The following ALG13 variants were observed in gnomAD, a reference collection of about 807,000 sequenced individuals.
ALG13 encodes ALG13 UDP-N-acetylglucosaminyltransferase subunit, also known as UDP-N-acetylglucosamine transferase subunit ALG13.
Under a neutral mutation model 87.8 loss-of-function variants are expected in ALG13, and 11 were observed. That is an observed-to-expected ratio of 0.13 (90% CI 0.08 to 0.21). The LOEUF is 0.21. ALG13 is among the 10% of genes least tolerant of loss of function. The probability of loss-of-function intolerance (pLI) is 1.00; values close to 1 mark genes in which losing one functional copy is unlikely to be tolerated. For synonymous variants in ALG13, 320 were observed against 306.3 expected, an observed-to-expected ratio of 1.04 and a Z score of -0.47; for missense variants, 756 against 866.1, an observed-to-expected ratio of 0.87 and a Z score of 1.60.
At chrX:111,699,459 T>C (rs1249311011) in intron 3 of ALG13, among the ~76,000 whole-genome samples, 2 of 111,891 alleles carry the variant, frequency 1.8e-5, no homozygotes, top group Non-Finnish European at 3.8e-5. Flanking sequence ...AAAGAATCAT[T>C]GCCCAAAGAA....
At chrX:111,717,981 T>A in intron 9 of ALG13, 54 bp downstream of exon 9, 1 of 1,113,518 alleles carries the variant, frequency 9.0e-7, no homozygotes, top group Non-Finnish European at 1.2e-6. Context: ...TTGTTTTCAC[T>A]CAGGGACCCA....
intron 23 of ALG13, among the ~76,000 whole-genome samples, chrX:111,740,640 A>G (rs1943659846): frequency 9.0e-6 from 1 of 111,151 alleles, no homozygotes; most frequent in South Asian, 3.8e-4. Flanking sequence ...AGCAAGGAAC[A>G]TATCAAAGAG....
At chrX:111,686,187 C>T (rs984265212) in intron 3 of ALG13, 1 of 1,091,146 alleles carries the variant, frequency 9.2e-7, no homozygotes, top group African/African-American at 1.9e-5. Context: ...CAGTAATTCC[C>T]ACTTGTTTGA....
At chrX:111,733,128 CTT>C (rs759345909) in intron 21 of ALG13, among the ~76,000 whole-genome samples, 10 of 111,246 alleles carry the variant, frequency 9.0e-5, no homozygotes, top group East Asian at 2.8e-4. Flanking sequence ...AAAAAAAACT[CTT>C]TGTCTTTAAT....
chrX:111,750,871 G>A (rs771875695), intron 24 of ALG13, among the ~76,000 whole-genome samples: 1 of 108,865 alleles, frequency 9.2e-6, no homozygotes, highest in Non-Finnish European at 1.9e-5. Context: ...GTTTCTCCAT[G>A]TTGGCCAGGC....
At chrX:111,713,658 TC>T (rs1240724666) in intron 8 of ALG13, among the ~76,000 whole-genome samples, 1 of 112,464 alleles carries the variant, frequency 8.9e-6, no homozygotes, top group East Asian at 2.8e-4. Flanking sequence ...ATTCTGCTTT[TC>T]ATACTTTGTG....
chrX:111,715,143 C>T (rs914027195), intron 8 of ALG13, among the ~76,000 whole-genome samples: 1 of 111,605 alleles, frequency 9.0e-6, no homozygotes, highest in Non-Finnish European at 1.9e-5. Flanking sequence ...TTAGGGGGAA[C>T]GTTACCCATT....
Position 111,736,888 on chromosome X carries a change from T to C in ALG13, c.2695+9T>C, listed in dbSNP as rs756512820. ...TACACACGGCAGGCCAGGTAGGTTA[T>C]TAGCAGATGCTTACTTTGGAAGCCT... On this transcript the variant is annotated intron_variant, in intron 23 of 26. Transcript: ENST00000394780. The C allele has an allele frequency of 2.5e-6, 3 of 1,189,493 alleles. No individual in the cohort carries two copies. Among genetic ancestry groups the C allele is most frequent in the Non-Finnish European group, 3.4e-6 (3 of 883,561 alleles).
chrX:111,736,930 A>G, intron 23 of ALG13, 51 bp downstream of exon 23: 1 of 1,027,438 alleles, frequency 9.7e-7, no homozygotes, highest in Non-Finnish European at 1.3e-6. Context: ...CTATTCATGA[A>G]CATGCACATC....
chrX:111,685,535 C>A (rs1288911563), intron 3 of ALG13, among the ~76,000 whole-genome samples: 3 of 112,076 alleles, frequency 2.7e-5, no homozygotes, highest in Non-Finnish European at 5.6e-5. Context: ...CAGTTACACC[C>A]AATATATAAA....
At chrX:111,703,272 A>G (rs1938210377) in intron 3 of ALG13, among the ~76,000 whole-genome samples, 1 of 108,372 alleles carries the variant, frequency 9.2e-6, no homozygotes, top group Admixed American at 9.9e-5. Context: ...TGTTGGTTAG[A>G]TGTTGGCTTT....
rs1941664508 is a variant in ALG13, at chrX:111,723,656, T to C, written c.1501-142T>C. On this transcript the variant is annotated intron_variant, in intron 13 of 26. Transcript: ENST00000394780. ...TGTAAGGTTCTTTCAGTATGTGCTG[T>C]CTCCATTGATCCAGACTGGCAGTGT... The C allele has an allele frequency of 9.6e-6, 4 of 415,327 alleles. No homozygotes were observed. In the African/African-American group the frequency reaches 1.0e-4, roughly 11 times the overall value. The allele number at this position is 415,327 out of a possible 1,213,427, so 34.2% of individuals were successfully genotyped here.
At chrX:111,729,968 A>G (rs1015325727) in intron 19 of ALG13, among the ~76,000 whole-genome samples, 5 of 112,430 alleles carry the variant, frequency 4.4e-5, no homozygotes, top group Non-Finnish European at 9.4e-5. Context: ...CAAAAGGCCT[A>G]TGAGCTAGGT....
intron 3 of ALG13, among the ~76,000 whole-genome samples, chrX:111,698,311 T>C (rs1350699760): frequency 8.9e-6 from 1 of 112,117 alleles, no homozygotes; most frequent in African/African-American, 3.2e-5. Flanking sequence ...TTGTGTACAA[T>C]GTGGAATGAT....
chrX:111,681,785 C>T (rs1933379573), intron 1 of ALG13: 2 of 830,892 alleles, frequency 2.4e-6, no homozygotes, highest in Non-Finnish European at 2.9e-6. Context: ...CTCCTCAGCG[C>T]GCGTCGTCCC....
Position 111,727,337 on chromosome X carries a change from C to T in ALG13, c.1982C>T (p.Ser661Leu). The T allele has an allele frequency of 2.5e-6, 3 of 1,200,641 alleles. No homozygotes were observed. The highest frequency in any genetic ancestry group is 2.3e-6 in the Non-Finnish European group (2 of 888,240). The stretch of plus-strand genomic sequence containing the variant: ...TCCTTTCTCTTTATTCTTAGGAATT[C>T]ATCTCGGTTTATAAACAGGCACAAC... ...QGRGYGMPRN[S>L]SRFINRHNMP... The change falls in exon 17 of 27, where the codon TCA becomes TTA. Residue 661 changes from serine to leucine, a missense_variant. Transcript: ENST00000394780.
chrX:111,711,606 A>T (rs1225031512), intron 5 of ALG13, 69 bp from the exon 6 acceptor site: 4 of 1,012,654 alleles, frequency 4.0e-6, no homozygotes, highest in Admixed American at 4.9e-5. Flanking sequence ...TTGCAGGATA[A>T]TGTAGAATAT....
At chrX:111,750,834 AT>A (rs1209965111) in intron 24 of ALG13, among the ~76,000 whole-genome samples, 1 of 107,471 alleles carries the variant, frequency 9.3e-6, no homozygotes, top group Non-Finnish European at 1.9e-5. Flanking sequence ...TGCCCAGCTA[AT>A]TTTTTGTATT....
intron 26 of ALG13, among the ~76,000 whole-genome samples, chrX:111,758,697 CAG>C (rs747986697): frequency 7.7e-4 from 87 of 112,264 alleles, no homozygotes; most frequent in Non-Finnish European, 1.3e-3. Context: ...TTTAATGTAA[CAG>C]AGCATGAAAA....
Sources: allele counts gnomAD v4.1 joint callset (sites outside exome capture counted in the v4.1 genomes callset), GRCh38; gene constraint gnomAD v4.1.1; transcripts MANE v1.5; gene names NCBI Gene and HGNC (gene_info 2026-07-23, HGNC 2026-07-21).